SORD: variants seen among roughly 807,000 people sequenced by gnomAD.
SORD encodes sorbitol dehydrogenase.
A neutral mutation model predicts 35.6 loss-of-function variants in SORD; 18 were observed. The ratio of observed to expected loss-of-function variants is 0.51; its 90% CI spans 0.35 to 0.75. The LOEUF is 0.75. Ranked by LOEUF, SORD falls within the 30% of genes least tolerant of loss-of-function variation. The pLI, the probability that SORD is intolerant of heterozygous loss-of-function variation, is 0.01. For synonymous variants in SORD, 106 were observed against 152.9 expected (o/e 0.69, Z 2.26); for missense variants, 250 against 390.2 (o/e 0.64, Z 3.03).
At chr15:45,028,019 T>C (rs995078159) in intron 1 of SORD, among the ~76,000 whole-genome samples, 7 of 152,236 alleles carry the variant, frequency 4.6e-5, no homozygotes, top group African/African-American at 1.7e-4. Flanking sequence ...ATTTGAATGC[T>C]GTGTCACGTC....
intron 1 of SORD, among the ~76,000 whole-genome samples, chr15:45,026,110 C>A (rs1385781939): frequency 6.6e-6 from 1 of 152,206 alleles, no homozygotes; most frequent in Non-Finnish European, 1.5e-5. Flanking sequence ...ACCTTCTGGG[C>A]CCTCGCCACT....
At chr15:45,062,449 T>C (rs536989893) in intron 4 of SORD, among the ~76,000 whole-genome samples, 2 of 152,150 alleles carry the variant, frequency 1.3e-5, no homozygotes, top group South Asian at 4.1e-4. Flanking sequence ...AGATGCATTC[T>C]TCCCCCACCG....
intron 3 of SORD, among the ~76,000 whole-genome samples, chr15:45,045,999 T>A (rs1893041283): frequency 6.6e-6 from 1 of 151,654 alleles, no homozygotes. Flanking sequence ...AGACTCTATC[T>A]CAAAACAATA....
At chr15:45,063,378 A>G (rs1893353834) in intron 4 of SORD, among the ~76,000 whole-genome samples, 1 of 151,932 alleles carries the variant, frequency 6.6e-6, no homozygotes, top group Admixed American at 6.6e-5. Context: ...TGGTGTTTAT[A>G]AAGCATGAAA....
At chr15:45,068,446 A>AGTGT (rs1470548000) in intron 6 of SORD, among the ~76,000 whole-genome samples, 200 bp downstream of exon 6, 33 of 120,522 alleles carry the variant, frequency 2.7e-4, no homozygotes, top group African/African-American at 7.9e-4. Context: ...TTTGTGTGAG[A>AGTGT]GAGTGTGTGT....
At chr15:45,035,466 G>C (rs905538826) in intron 1 of SORD, among the ~76,000 whole-genome samples, 7 of 152,054 alleles carry the variant, frequency 4.6e-5, no homozygotes, top group Admixed American at 1.3e-4. Flanking sequence ...AGCTAATCTG[G>C]GGGGGAGGTG....
chr15:45,044,870 G>A (rs959452873), intron 3 of SORD, among the ~76,000 whole-genome samples: 10 of 151,782 alleles, frequency 6.6e-5, no homozygotes, highest in Admixed American at 6.6e-4. Context: ...GCTAATTTTT[G>A]TATTTTTGGT....
intron 7 of SORD, among the ~76,000 whole-genome samples, chr15:45,069,615 C>A (rs1893476523): frequency 6.6e-6 from 1 of 152,056 alleles, no homozygotes; most frequent in Non-Finnish European, 1.5e-5. Flanking sequence ...GTTAAGGACA[C>A]ACACTTTGGG....
intron 4 of SORD, 89 bp from the exon 5 acceptor site, chr15:45,065,179 GGTT>G: frequency 8.5e-7 from 1 of 1,172,272 alleles, no homozygotes; most frequent in Non-Finnish European, 1.2e-6. Context: ...TGCTAGCTAT[GGTT>G]GTTATTACAG....
chr15:45,027,033 G>C (rs530078569), intron 1 of SORD, among the ~76,000 whole-genome samples: 42 of 152,364 alleles, frequency 2.8e-4, no homozygotes, highest in Admixed American at 6.5e-4. Flanking sequence ...TGATCACCTT[G>C]ACCACAGCAA....
At chr15:45,044,068 G>C (rs878917463) in intron 3 of SORD, among the ~76,000 whole-genome samples, 23 of 152,378 alleles carry the variant, frequency 1.5e-4, no homozygotes, top group Non-Finnish European at 3.1e-4. Context: ...TCCTGTGTTA[G>C]TTATAAAGGT....
At chr15:45,064,900 T>C (rs1164398014) in intron 4 of SORD, among the ~76,000 whole-genome samples, 4 of 152,308 alleles carry the variant, frequency 2.6e-5, no homozygotes, top group East Asian at 1.9e-4. Flanking sequence ...AATTGATTTA[T>C]CCAAAGAAAA....
chr15:45,051,281 A>G (rs1248605793), intron 3 of SORD, among the ~76,000 whole-genome samples: 2 of 152,250 alleles, frequency 1.3e-5, no homozygotes, highest in African/African-American at 4.8e-5. Context: ...TAGATATTCT[A>G]TACAATTTTG....
chr15:45,024,476 G>A (rs2141259897), intron 1 of SORD, among the ~76,000 whole-genome samples: 1 of 152,250 alleles, frequency 6.6e-6, no homozygotes, highest in East Asian at 1.9e-4. Flanking sequence ...CTCAGTTGAA[G>A]AAAGTACCAT....
At chr15:45,024,958 A>T (rs1426778199) in intron 1 of SORD, among the ~76,000 whole-genome samples, 2 of 152,264 alleles carry the variant, frequency 1.3e-5, no homozygotes, top group African/African-American at 4.8e-5. Context: ...AGGTGCAGAA[A>T]CACAGTTAAG....
chr15:45,035,919 C>A (rs1892858124), intron 1 of SORD, among the ~76,000 whole-genome samples: 1 of 151,232 alleles, frequency 6.6e-6, no homozygotes, highest in African/African-American at 2.4e-5. Context: ...ATCTGAACAT[C>A]AGAAGGAACA....
At chr15:45,039,837 G>A (rs1434992469) in intron 1 of SORD, among the ~76,000 whole-genome samples, 2 of 152,180 alleles carry the variant, frequency 1.3e-5, no homozygotes, top group Non-Finnish European at 2.9e-5. Flanking sequence ...TTTCCCTGGA[G>A]GAGTTTGTCA....
intron 3 of SORD, among the ~76,000 whole-genome samples, chr15:45,055,475 C>A (rs1051454576): frequency 2.9e-4 from 44 of 152,240 alleles, no homozygotes; most frequent in East Asian, 2.1e-3. Flanking sequence ...CAATAACAGG[C>A]TCTGAAATTG....
intron 3 of SORD, among the ~76,000 whole-genome samples, chr15:45,047,653 C>A (rs1893064900): frequency 6.6e-6 from 1 of 152,200 alleles, no homozygotes; most frequent in South Asian, 2.1e-4. Flanking sequence ...CACCTCTTCC[C>A]AGTGGAGTCT....
Sources: allele counts gnomAD v4.1 joint callset (sites outside exome capture counted in the v4.1 genomes callset), GRCh38; gene constraint gnomAD v4.1.1; transcripts MANE v1.5; gene names NCBI Gene and HGNC (gene_info 2026-07-23, HGNC 2026-07-21).